The following CRLF1 variants were observed in gnomAD, a reference collection of about 807,000 sequenced individuals.
CRLF1 encodes the protein cytokine receptor-like factor 1.
In CRLF1, 36 loss-of-function variants were observed where a neutral mutation model predicts 48.9. That is an observed-to-expected ratio of 0.74 (90% CI 0.56 to 0.97). CRLF1 has a LOEUF of 0.97. Among genes scored for constraint, CRLF1 ranks in the 50% least tolerant of loss-of-function variants. The probability of loss-of-function intolerance (pLI) is 0.00; values close to 1 mark genes in which losing one functional copy is unlikely to be tolerated. For missense variants in CRLF1, 534 were observed against 575.1 expected (o/e 0.93, Z 0.73); for synonymous variants, 256 against 253.4 (o/e 1.01, Z -0.10).
chr19:18,597,851 G>A (rs1437159650), intron 4 of CRLF1, among the ~76,000 whole-genome samples: 1 of 152,034 alleles, frequency 6.6e-6, no homozygotes, highest in Non-Finnish European at 1.5e-5. Context: ...GGCAGGCTGC[G>A]GGGGCAGGGA....
intron 1 of CRLF1, among the ~76,000 whole-genome samples, chr19:18,605,680 G>A (rs1189568710): frequency 2.0e-5 from 3 of 152,236 alleles, no homozygotes; most frequent in Non-Finnish European, 2.9e-5. Flanking sequence ...CTCTGGGTGT[G>A]TCCCAGAGCG....
chr19:18,596,649 G>C lies in CRLF1; in HGVS notation c.997C>G (p.Pro333Ala). ...KAGIWSEWSHPTAASTPRSER... is the reference protein window; with the variant it reads ...KAGIWSEWSHATAASTPRSER... ...CTGCGGGGAGTGGAGGCGGCTGTGG[G>C]GTGGCTCCACTCACTCCAGATCCCG... The change falls in exon 6 of 9, where the codon CCC (proline) becomes GCC (alanine). Residue 333 changes from proline to alanine, a missense_variant. By Grantham distance (27) the Pro-to-Ala change is conservative. Around this residue, in one of 2 missense-constraint regions of CRLF1, gnomAD observed 528 missense variants for 555.7 expected, o/e 0.95. Coordinates refer to ENST00000392386, the MANE Select transcript of CRLF1 (RefSeq NM_004750.5). The C allele has an allele frequency of 6.2e-7, 1 of 1,613,838 alleles. No homozygotes were observed. The highest frequency in any genetic ancestry group is 1.1e-5 in the South Asian group (1 of 91,062).
chr19:18,599,456 T>C, intron 2 of CRLF1, 109 bp downstream of exon 2: 1 of 1,474,366 alleles, frequency 6.8e-7, no homozygotes, highest in South Asian at 1.2e-5. Context: ...GCCATGCCAG[T>C]GTGCCCACAG....
Position 18,598,784 on chromosome 19 carries a change from T to G in CRLF1, c.515A>C (p.Lys172Thr), listed in dbSNP as rs1279982174. 6.2e-7 allele frequency: 1 copy of G among 1,614,024 alleles called. No homozygotes were observed. The highest frequency in any genetic ancestry group is 8.5e-7 in the Non-Finnish European group (1 of 1,179,950). Residue 172 changes from lysine to threonine, a missense_variant, in exon 3 of 9, where the codon AAG becomes ACG. Physicochemically the swap from Lys to Thr is moderately conservative, Grantham distance 78 (BLOSUM62 -1). Transcript: ENST00000392386. ...ETFLHTNYSL[K>T]YKLRWYGQDN... ...GGCCACCACCAACCTAAGCTTGTAC[T>G]TGAGGGAGTAGTTGGTGTGGAGGAA...
At position 18,598,914 on chromosome 19, in the gene CRLF1, G is replaced by C; in HGVS notation, c.398-13C>G. ...TTCTCTGGGGGCACTGGGAGAAGGG[G>C]AGGGTGCAGGAAGCAGGCTGAGGGT... is the stretch of plus-strand genomic sequence containing the variant. On this transcript the variant is annotated splice_polypyrimidine_tract_variant and intron_variant, in intron 2 of 8. Transcript: ENST00000392386. The C allele has an allele frequency of 1.2e-6, 2 of 1,613,644 alleles. No individual in the cohort carries two copies. Among genetic ancestry groups the C allele is most frequent in the Non-Finnish European group, 1.7e-6 (2 of 1,179,884 alleles).
At chr19:18,594,877 A>C (rs1179050191) in intron 6 of CRLF1, among the ~76,000 whole-genome samples, 2 of 152,102 alleles carry the variant, frequency 1.3e-5, no homozygotes, top group Non-Finnish European at 2.9e-5. Flanking sequence ...GGTGAAAGCC[A>C]AGGGTGTCAG....
chr19:18,594,058 A>G lies in CRLF1; in HGVS notation c.1255+7T>C. ...CCCTCCCGCCCACCCATTCAGGCCC[A>G]CCTTACCTCTCGCCGTGCCCCGTCT... On this transcript the variant is annotated splice_region_variant and intron_variant, in intron 8 of 8. Coordinates refer to ENST00000392386, the MANE Select transcript of CRLF1 (RefSeq NM_004750.5). The G allele has an allele frequency of 4.4e-6, 1 of 226,186 alleles. No homozygotes were observed. Among genetic ancestry groups the G allele is most frequent in the South Asian group, 4.5e-5 (1 of 22,326 alleles). The allele number at this position is 226,186 out of a possible 1,614,324, so 14.0% of individuals were successfully genotyped here.
intron 1 of CRLF1, among the ~76,000 whole-genome samples, chr19:18,603,631 T>C (rs1184161616): frequency 2.0e-5 from 3 of 152,232 alleles, no homozygotes; most frequent in African/African-American, 7.2e-5. Flanking sequence ...AGGGTGATCC[T>C]GGCCCCCAGG....
chr19:18,594,113 C>A lies in CRLF1; in HGVS notation c.1213-6G>T. The A allele has an allele frequency of 4.0e-6, 6 of 1,495,464 alleles. No homozygotes were observed. The highest frequency in any genetic ancestry group is 5.4e-6 in the Non-Finnish European group (6 of 1,112,156). The allele number at this position is 1,495,464 out of a possible 1,614,324, so 92.6% of individuals were successfully genotyped here. On this transcript the variant is annotated splice_polypyrimidine_tract_variant and splice_region_variant and intron_variant, in intron 7 of 8. Coordinates refer to ENST00000392386, the MANE Select transcript of CRLF1 (RefSeq NM_004750.5). ...GAGGGCAGGATCCCCTCGTCCTGTG[C>A]TTGGAAGGAAGGCAGAGGTGTCGTG...
intron 4 of CRLF1, 125 bp from the exon 5 acceptor site, chr19:18,597,174 C>A: frequency 1.0e-6 from 1 of 1,001,728 alleles, no homozygotes; most frequent in South Asian, 1.6e-5. Context: ...TCCCTCTGCC[C>A]CCACCCCCAG....
chr19:18,594,032 T>TCCCCCCCCCCCCCCCC, intron 8 of CRLF1, 33 bp downstream of exon 8: 2 of 695,814 alleles, frequency 2.9e-6, no homozygotes, highest in Non-Finnish European at 4.4e-6. Context: ...CTCCCCTTGC[T>TCCCCCCCCCCCCCCCC]CCCTCCCGCC....
intron 7 of CRLF1, 34 bp downstream of exon 7, chr19:18,594,213 C>T: frequency 6.2e-7 from 1 of 1,612,182 alleles, no homozygotes. Flanking sequence ...GCTCCCTGTC[C>T]CCACCCCCAC....
intron 6 of CRLF1, 53 bp downstream of exon 6, chr19:18,596,569 C>A: frequency 1.3e-6 from 2 of 1,593,452 alleles, no homozygotes; most frequent in East Asian, 2.2e-5. Flanking sequence ...AACAGAGGCT[C>A]TAGCTGGTTT....
At chr19:18,596,211 G>T (rs1323123310) in intron 6 of CRLF1, among the ~76,000 whole-genome samples, 1 of 152,064 alleles carries the variant, frequency 6.6e-6, no homozygotes, top group African/African-American at 2.4e-5. Flanking sequence ...CTCTGGGGGG[G>T]CCACCAGTTT....
At position 18,606,433 on chromosome 19, in the gene CRLF1, G is replaced by T; in HGVS notation, c.115+109C>A. The T allele has an allele frequency of 3.4e-6, 3 of 875,058 alleles. No homozygotes were observed. Among genetic ancestry groups the T allele is most frequent in the Non-Finnish European group, 4.1e-6 (3 of 724,376 alleles). The allele number at this position is 875,058 out of a possible 1,614,324, so 54.2% of individuals were successfully genotyped here. A position where few individuals can be genotyped will look rare whatever the true frequency, so the allele number is the denominator to read the frequency against. On this transcript the variant is annotated intron_variant, in intron 1 of 8. Transcript: ENST00000392386. This position sits in a 1 kb window ranked among gnomAD's most constrained non-coding sequence, Gnocchi z 4.8. ...GGCTGCGCCGGGGGCGCCTTCCTTT[G>T]TTCCCCGGCCGTCCAGGTGGCGCCC...
In CRLF1 at chr19:18,593,277, G is replaced by A. The variant is rs1160539760; in HGVS notation, c.*289C>T. ...ATTTATTTAAAAGGACTCTTTTGGA[G>A]GGGCCCTAGGTAATGGGGAGTAATG... On this transcript the variant is annotated 3_prime_UTR_variant, in exon 9 of 9. Coordinates refer to ENST00000392386, the MANE Select transcript of CRLF1 (RefSeq NM_004750.5). The A allele has an allele frequency of 2.2e-6, 1 of 458,488 alleles. No individual in the cohort carries two copies. Among genetic ancestry groups the A allele is most frequent in the Non-Finnish European group, 4.0e-6 (1 of 252,430 alleles). The allele number at this position is 458,488 out of a possible 1,614,324, so 28.4% of individuals were successfully genotyped here.
In CRLF1 at chr19:18,606,545, C is replaced by A. The variant is rs1205668702; in HGVS notation, c.112G>T (p.Ala38Ser). ...VLGAPRAGSGAHTAVISPQDP... is the reference protein window; with the variant it reads ...VLGAPRAGSGSHTAVISPQDP... ...GAGTGGGGCGCCGGGTACTCACGGG[C>A]TCCTGATCCGGCTCGCGGCGCCCCG... The change falls in exon 1 of 9, where the codon GCC becomes TCC. Residue 38 changes from alanine to serine, a missense_variant. This residue lies in a region of CRLF1 where 528 missense variants were observed against 555.7 expected (regional missense o/e 0.95). Coordinates refer to ENST00000392386, the MANE Select transcript of CRLF1 (RefSeq NM_004750.5). This position sits in a 1 kb window ranked among gnomAD's most constrained non-coding sequence, Gnocchi z 4.8. The A allele has an allele frequency of 8.7e-7, 1 of 1,155,630 alleles. No homozygotes were observed. Among genetic ancestry groups the A allele is most frequent in the Non-Finnish European group, 1.1e-6 (1 of 939,948 alleles). 71.6% of individuals were successfully genotyped at this position (1,155,630 alleles called of 1,614,324 possible).
Position 18,596,903 on chromosome 19 carries a change from C to T in CRLF1, c.844G>A (p.Val282Met), listed in dbSNP as rs1976143529. ...YQIRYRVEDS[V>M]DWKVVDDVSN... ...AAGGGGAGGGTCACCTTCCAGTCCA[C>T]ACTGTCCTCCACTCGGTAGCGGATC... Residue 282 changes from valine (V) to methionine (M), a missense_variant, in exon 5 of 9, where the codon GTG becomes ATG. This residue lies in a region of CRLF1 where 528 missense variants were observed against 555.7 expected (regional missense o/e 0.95). Coordinates refer to ENST00000392386, the MANE Select transcript of CRLF1 (RefSeq NM_004750.5). 3.1e-6 allele frequency: 5 copies of T among 1,614,128 alleles called. No homozygotes were observed. The highest frequency in any genetic ancestry group is 3.4e-6 in the Non-Finnish European group (4 of 1,180,030).
At chr19:18,595,114 G>C (rs1040443914) in intron 6 of CRLF1, among the ~76,000 whole-genome samples, 2 of 152,220 alleles carry the variant, frequency 1.3e-5, no homozygotes, top group African/African-American at 4.8e-5. Flanking sequence ...CCAGCCCCCA[G>C]CAGGCCGGCG....
Sources: allele counts gnomAD v4.1 joint callset (sites outside exome capture counted in the v4.1 genomes callset), GRCh38; gene constraint gnomAD v4.1.1; regional missense constraint gnomAD v4.1.1; non-coding constraint Gnocchi (gnomAD v3.1); transcripts MANE v1.5; gene names NCBI Gene and HGNC (gene_info 2026-07-23, HGNC 2026-07-21).